DMTF1: variants seen among roughly 807,000 people sequenced by gnomAD.
DMTF1 encodes the protein cyclin-D-binding Myb-like transcription factor 1.
A neutral mutation model predicts 91.1 loss-of-function variants in DMTF1; 39 were observed. That is an observed-to-expected ratio of 0.43 (90% CI 0.33 to 0.56). DMTF1 has a LOEUF of 0.56. DMTF1 is among the 20% of genes least tolerant of loss of function. The pLI is 0.05. For missense variants in DMTF1, 750 were observed against 914.5 expected, an observed-to-expected ratio of 0.82 and a Z score of 2.32; for synonymous variants, 338 against 309.5, an observed-to-expected ratio of 1.09 and a Z score of -0.97.
intron 14 of DMTF1, 40 bp from the exon 15 acceptor site, chr7:87,193,156 TAG>T (rs1424542040): frequency 1.9e-6 from 3 of 1,604,736 alleles, no homozygotes; most frequent in Non-Finnish European, 2.6e-6. Context: ...TATATAAAAG[TAG>T]ACTTAATCAT....
chr7:87,193,252 T>C lies in DMTF1; in HGVS notation c.1549T>C (p.Ser517Pro). 1.2e-6 allele frequency: 2 copies of C among 1,613,422 alleles called. No individual in the cohort carries two copies. Among genetic ancestry groups the C allele is most frequent in the Non-Finnish European group, 1.7e-6 (2 of 1,179,576 alleles). ...TPGTYLLQTS[S>P]SQGLPLTLTA... ...AGGCACCTACCTACTTCAAACAAGCTCAAGCCAAGGCCTTCCCCTAACTCT... is the reference window on the plus strand; with the variant it reads ...AGGCACCTACCTACTTCAAACAAGCCCAAGCCAAGGCCTTCCCCTAACTCT... Residue 517 changes from serine (S) to proline (P), a missense_variant, in exon 15 of 18, where the codon TCA (serine) becomes CCA (proline). This residue lies in a region of DMTF1 where 410 missense variants were observed against 420.2 expected (regional missense o/e 0.98). Transcript: ENST00000331242.
At chr7:87,183,900 A>T (rs906274596) in intron 10 of DMTF1, among the ~76,000 whole-genome samples, 6 of 152,222 alleles carry the variant, frequency 3.9e-5, no homozygotes, top group African/African-American at 9.6e-5. Flanking sequence ...ACAAGATGGT[A>T]GAAACCTAGT....
intron 3 of DMTF1, 120 bp from the exon 4 acceptor site, chr7:87,166,363 T>G (rs984124503): frequency 1.0e-6 from 1 of 999,476 alleles, no homozygotes; most frequent in Non-Finnish European, 1.4e-6. Flanking sequence ...TAGGTTTAGT[T>G]AAATGAGCAA....
In DMTF1 at chr7:87,176,465, C is replaced by G. The variant is rs181743175; in HGVS notation, c.519+1796C>G. 2.6e-5 allele frequency among the ~76,000 whole-genome samples: 4 copies of G among 152,250 alleles called. No individual in the cohort carries two copies. In the East Asian group the frequency reaches 5.8e-4, roughly 22 times the overall value. ...GGATTGAAGTAGATGATCTCAAGGA[C>G]CCTTCCAAGTTAGTGATTAATGGGC... On this transcript the variant is annotated intron_variant, in intron 7 of 17. Transcript: ENST00000331242.
chr7:87,170,495 A>G (rs558460173), intron 4 of DMTF1, among the ~76,000 whole-genome samples: 1 of 152,188 alleles, frequency 6.6e-6, no homozygotes, highest in East Asian at 1.9e-4. Context: ...TCTCGTGAAC[A>G]CTCCAAGCAT....
chr7:87,161,904 T>C (rs1056636855), intron 1 of DMTF1, among the ~76,000 whole-genome samples: 3 of 152,248 alleles, frequency 2.0e-5, no homozygotes, highest in Non-Finnish European at 4.4e-5. Context: ...GGAAAATATA[T>C]TGCAGTATGA....
In DMTF1 at chr7:87,171,054, G is replaced by T; in HGVS notation, c.292G>T (p.Asp98Tyr). Residue 98 changes from aspartate to tyrosine, a missense_variant, in exon 5 of 18, where the codon GAT (aspartate) becomes TAT (tyrosine). By Grantham distance (160) the Asp-to-Tyr change is radical (BLOSUM62 -3). Coordinates refer to ENST00000331242, the MANE Select transcript of DMTF1 (RefSeq NM_001142327.2). ...TMTATTEVAD[D>Y]EVTEGTVTQI... Reference sequence around the variant, plus strand: ...GACTGCAACCACAGAAGTAGCAGATGATGAGGTTACTGAGGGGACTGTGAC... The same window carrying T: ...GACTGCAACCACAGAAGTAGCAGATTATGAGGTTACTGAGGGGACTGTGAC... 1 of 1,612,304 alleles carries T rather than the reference G, an allele frequency of 6.2e-7. No individual in the cohort carries two copies. The highest frequency in any genetic ancestry group is 8.5e-7 in the Non-Finnish European group (1 of 1,178,588).
chr7:87,155,910 C>G (rs1790581224), intron 1 of DMTF1, among the ~76,000 whole-genome samples: 1 of 152,150 alleles, frequency 6.6e-6, no homozygotes, highest in Admixed American at 6.5e-5. Context: ...GGTCATTCTT[C>G]CAAGCACCAG....
rs555595742 is a variant in DMTF1, at chr7:87,159,170, T to C, written c.-131-4325T>C. On this transcript the variant is annotated intron_variant, in intron 1 of 17. Transcript: ENST00000331242. ...TGGAAATGTCAGTAAGGCATATAACTACATTTGTCAGGCACATGATAAGAC... is the reference window on the plus strand; with the variant it reads ...TGGAAATGTCAGTAAGGCATATAACCACATTTGTCAGGCACATGATAAGAC... Among the ~76,000 whole-genome samples the C allele has an allele frequency of 9.5e-4, 144 of 152,280 alleles. 2 individuals carry two copies. Among genetic ancestry groups the C allele is most frequent in the African/African-American group, 3.4e-3 (141 of 41,580 alleles).
chr7:87,190,492 T>C (rs1283051719), intron 13 of DMTF1, among the ~76,000 whole-genome samples: 1 of 152,088 alleles, frequency 6.6e-6, no homozygotes, highest in African/African-American at 2.4e-5. Flanking sequence ...CTTAGTGTGT[T>C]CCTCTTTACT....
In DMTF1 at chr7:87,184,583, G is replaced by T; in HGVS notation, c.1007G>T (p.Gly336Val). 6.2e-7 allele frequency: 1 copy of T among 1,613,906 alleles called. No homozygotes were observed. The highest frequency in any genetic ancestry group is 8.5e-7 in the Non-Finnish European group (1 of 1,179,900). ...TACCTGAATTGGAAACAGAGTGGGG[G>T]TACTGAATGGACCAAGGAAGATGAA... Reference protein sequence around the residue: ...LNYLNWKQSGGTEWTKEDEIN... With the variant: ...LNYLNWKQSGVTEWTKEDEIN... Residue 336 changes from glycine (G) to valine (V), a missense_variant, in exon 11 of 18, where the codon GGT (glycine) becomes GTT (valine). Gly to Val is a moderately radical substitution (Grantham distance 109, BLOSUM62 -3). Transcript: ENST00000331242.
intron 10 of DMTF1, among the ~76,000 whole-genome samples, chr7:87,184,187 G>A (rs1002901453): frequency 2.0e-5 from 3 of 152,122 alleles, no homozygotes; most frequent in African/African-American, 7.2e-5. Flanking sequence ...TTTCCATTAG[G>A]ATTCTTTATT....
chr7:87,153,628 C>T (rs923395854), intron 1 of DMTF1, among the ~76,000 whole-genome samples: 9 of 152,106 alleles, frequency 5.9e-5, no homozygotes, highest in African/African-American at 2.2e-4. Context: ...CTTTGTGTAC[C>T]TCTTTTTAAT....
At chr7:87,156,374 C>T (rs1475534689) in intron 1 of DMTF1, among the ~76,000 whole-genome samples, 3 of 152,134 alleles carry the variant, frequency 2.0e-5, no homozygotes, top group Non-Finnish European at 4.4e-5. Context: ...ACTCCACTAA[C>T]AGCTCTGTTG....
At chr7:87,165,279 A>G (rs1437007991) in intron 3 of DMTF1, among the ~76,000 whole-genome samples, 1 of 81,170 alleles carries the variant, frequency 1.2e-5, no homozygotes, top group Non-Finnish European at 3.2e-5. Context: ...ACTATAATAT[A>G]TACTTCTTTT....
At chr7:87,192,249 TTAAA>T (rs1323885033) in intron 14 of DMTF1, among the ~76,000 whole-genome samples, 1 of 152,028 alleles carries the variant, frequency 6.6e-6, no homozygotes, top group Non-Finnish European at 1.5e-5. Flanking sequence ...GTTAAGTATA[TTAAA>T]TAAAACACAT....
chr7:87,165,804 T>TA (rs1283202380), intron 3 of DMTF1, among the ~76,000 whole-genome samples: 2 of 152,336 alleles, frequency 1.3e-5, no homozygotes, highest in Admixed American at 1.3e-4. Context: ...GGGAATAAAT[T>TA]ACTTCTCTCA....
chr7:87,163,669 A>G (rs900850527), intron 2 of DMTF1, 52 bp downstream of exon 2: 2 of 152,228 alleles, frequency 1.3e-5, no homozygotes, highest in African/African-American at 2.4e-5. Flanking sequence ...ATTTGTCAAA[A>G]CTAGATCATG....
chr7:87,191,816 A>G (rs1278085956), intron 14 of DMTF1, among the ~76,000 whole-genome samples: 1 of 152,186 alleles, frequency 6.6e-6, no homozygotes, highest in Non-Finnish European at 1.5e-5. Flanking sequence ...TGCCCTTTCT[A>G]AAACAAGTAA....
Sources: gnomAD v4.1 joint callset for allele counts (sites outside exome capture counted in the v4.1 genomes callset) on GRCh38, gnomAD v4.1.1 for gene constraint, gnomAD v4.1.1 regional missense constraint, MANE v1.5 for transcripts, NCBI Gene and HGNC (gene_info 2026-07-23, HGNC 2026-07-21) for gene names.